CACNA1C: variants seen among roughly 807,000 people sequenced by gnomAD.
CACNA1C encodes calcium voltage-gated channel subunit alpha1 C, also known as voltage-dependent L-type calcium channel subunit alpha-1C.
CACNA1C carries 30 observed loss-of-function variants against 229.0 expected under a neutral mutation model. That is an observed-to-expected ratio of 0.13 (90% CI 0.10 to 0.18). The LOEUF is 0.18. CACNA1C is among the 10% of genes least tolerant of loss of function. The probability of loss-of-function intolerance (pLI) is 1.00; values close to 1 mark genes in which losing one functional copy is unlikely to be tolerated. For synonymous variants in CACNA1C, 1,114 were observed against 1,132.5 expected, an observed-to-expected ratio of 0.98 and a Z score of 0.33; for missense variants, 1,658 against 2,845.0, an observed-to-expected ratio of 0.58 and a Z score of 9.49.
At chr12:2,554,613 G>C (rs1181610593) in intron 10 of CACNA1C, among the ~76,000 whole-genome samples, 2 of 152,114 alleles carry the variant, frequency 1.3e-5, no homozygotes, top group East Asian at 3.8e-4. Flanking sequence ...GCTCCTGATG[G>C]CACCGAGGCA....
chr12:2,626,562 G>A (rs191247396), intron 29 of CACNA1C, among the ~76,000 whole-genome samples: 193 of 152,264 alleles, frequency 1.3e-3, no homozygotes, highest in South Asian at 2.9e-3. Context: ...AGTTGCCTGT[G>A]TGCATGGCCA....
chr12:1,980,576 T>C (rs2035819579), intron 1 of CACNA1C, among the ~76,000 whole-genome samples: 1 of 151,934 alleles, frequency 6.6e-6, no homozygotes, highest in Non-Finnish European at 1.5e-5. Flanking sequence ...AGTTTTTAAT[T>C]TGATGAAATT....
At chr12:2,578,027 C>CTTGG (rs2059135434) in intron 13 of CACNA1C, among the ~76,000 whole-genome samples, 1 of 151,522 alleles carries the variant, frequency 6.6e-6, no homozygotes, top group Non-Finnish European at 1.5e-5. Flanking sequence ...CGCTACCACA[C>CTTGG]CCGGCTAATT....
intron 3 of CACNA1C, among the ~76,000 whole-genome samples, chr12:2,424,726 T>G (rs1052442593): frequency 2.0e-4 from 31 of 152,140 alleles, no homozygotes; most frequent in African/African-American, 7.2e-4. Context: ...CATTGTGAAG[T>G]GGCAAAGTCT....
chr12:2,246,327 G>A (rs2073196645), intron 3 of CACNA1C, among the ~76,000 whole-genome samples: 1 of 152,198 alleles, frequency 6.6e-6, no homozygotes, highest in Non-Finnish European at 1.5e-5. Context: ...TAGATCGGGG[G>A]CCGAGGCTGA....
Position 2,530,376 on chromosome 12 carries a change from C to T in CACNA1C, c.1390+17392C>T, listed in dbSNP as rs77209591. On this transcript the variant is annotated intron_variant, in intron 9 of 46. Transcript: ENST00000399655. ...TGTTTAGGCCAAAATCTATTTAAAA[C>T]CCAATAGAAGCTGAGGCCCCATGTT... 3.6e-3 allele frequency among the ~76,000 whole-genome samples: 553 copies of T among 152,328 alleles called. 7 individuals are homozygous for T. The highest frequency in any genetic ancestry group is 0.012 in the Admixed American group (179 of 15,302).
At position 2,319,084 on chromosome 12, in the gene CACNA1C, A is replaced by C. The variant is rs540086335; in HGVS notation, c.478-129892A>C. 1.3e-5 allele frequency among the ~76,000 whole-genome samples: 2 copies of C among 152,098 alleles called. No homozygotes were observed. The highest frequency in any genetic ancestry group is 1.3e-4 in the Admixed American group (2 of 15,286). On this transcript the variant is annotated intron_variant, in intron 3 of 46. Coordinates refer to ENST00000399655, the MANE Select transcript of CACNA1C (RefSeq NM_000719.7). The surrounding 1 kb of genome is among the most constrained non-coding windows in gnomAD (Gnocchi z 4.0). ...GTGGGGCTTGTGAGTCTCTCACCCC[A>C]GCTGTTTCCTGGGGCTGTGAAGTTC...
chr12:2,099,013 C>T (rs1016775831), intron 1 of CACNA1C, among the ~76,000 whole-genome samples: 12 of 152,158 alleles, frequency 7.9e-5, no homozygotes, highest in African/African-American at 1.9e-4. Context: ...GCTGAAGCCA[C>T]GTGGCTGTGT....
At chr12:2,475,264 A>C (rs2099619826) in intron 5 of CACNA1C, among the ~76,000 whole-genome samples, 1 of 151,854 alleles carries the variant, frequency 6.6e-6, no homozygotes. Context: ...ACGCCACTGC[A>C]CTCCAGCCTG....
intron 3 of CACNA1C, among the ~76,000 whole-genome samples, chr12:2,440,018 C>T (rs1048075312): frequency 2.0e-5 from 3 of 152,202 alleles, no homozygotes; most frequent in Admixed American, 2.0e-4. Flanking sequence ...CCCAGCCCTT[C>T]TTCCCAGTCT....
At chr12:2,100,079 C>T (rs560176250) in intron 1 of CACNA1C, among the ~76,000 whole-genome samples, 1 of 152,224 alleles carries the variant, frequency 6.6e-6, no homozygotes, top group South Asian at 2.1e-4. Context: ...CCTCTCAGCA[C>T]GTGTATATTA....
At chr12:2,591,102 C>G (rs190785513) in intron 18 of CACNA1C, among the ~76,000 whole-genome samples, 11 of 152,274 alleles carry the variant, frequency 7.2e-5, no homozygotes, top group Admixed American at 2.0e-4. Context: ...TCTAATTACC[C>G]TAGGGAAAGA....
intron 1 of CACNA1C, among the ~76,000 whole-genome samples, chr12:2,082,440 T>A (rs1346809068): frequency 6.6e-6 from 1 of 152,228 alleles, no homozygotes; most frequent in African/African-American, 2.4e-5. Context: ...TTGCTTTGCT[T>A]TCAACAAGAC....
At chr12:2,576,600 G>A (rs1048106156) in intron 13 of CACNA1C, among the ~76,000 whole-genome samples, 2 of 152,088 alleles carry the variant, frequency 1.3e-5, no homozygotes, top group Non-Finnish European at 2.9e-5. Context: ...AACCCCTCTA[G>A]TTTACCAACA....
rs974365226 is a variant in CACNA1C at position 2,585,132 on chromosome 12, C to T, written c.2340-244C>T. ...GATCCACCATCCTTTTCTGCTTTGG[C>T]GACCCAGGCATCTCTGGAGCTGCAA... On this transcript the variant is annotated intron_variant, in intron 16 of 46. Transcript: ENST00000399655. The surrounding 1 kb of genome is among the most constrained non-coding windows in gnomAD (Gnocchi z 4.1). Among the ~76,000 whole-genome samples the T allele has an allele frequency of 4.6e-5, 7 of 152,156 alleles. No individual in the cohort carries two copies. The highest frequency in any genetic ancestry group is 7.4e-5 in the Non-Finnish European group (5 of 68,022).
At chr12:2,582,162 T>A (rs556657432) in intron 14 of CACNA1C, among the ~76,000 whole-genome samples, 1 of 152,028 alleles carries the variant, frequency 6.6e-6, no homozygotes, top group East Asian at 1.9e-4. Context: ...AAAATCGTTC[T>A]TATCCATGGA....
At chr12:2,141,904 A>T (rs991294475) in intron 3 of CACNA1C, among the ~76,000 whole-genome samples, 1 of 151,210 alleles carries the variant, frequency 6.6e-6, no homozygotes, top group African/African-American at 2.4e-5. Context: ...ATAATAACCC[A>T]GCCTGCATGA....
chr12:2,640,028 C>A (rs1008889756), intron 30 of CACNA1C, among the ~76,000 whole-genome samples: 1 of 152,050 alleles, frequency 6.6e-6, no homozygotes, highest in Admixed American at 6.6e-5. Context: ...TAAAGCTAAG[C>A]GAAGGTGGCA....
At chr12:2,126,434 G>A (rs1032881643) in intron 3 of CACNA1C, among the ~76,000 whole-genome samples, 1 of 152,204 alleles carries the variant, frequency 6.6e-6, no homozygotes, top group African/African-American at 2.4e-5. Flanking sequence ...AAGCGGAGCC[G>A]ACTCATTGTG....
Sources: allele counts gnomAD v4.1 joint callset (sites outside exome capture counted in the v4.1 genomes callset), GRCh38; gene constraint gnomAD v4.1.1; non-coding constraint Gnocchi (gnomAD v3.1); transcripts MANE v1.5; gene names NCBI Gene and HGNC (gene_info 2026-07-23, HGNC 2026-07-21).